The following LINGO2 variants were observed in gnomAD, a reference collection of about 807,000 sequenced individuals.
The protein encoded by LINGO2 is leucine rich repeat and Ig domain containing 2.
In LINGO2, 14 loss-of-function variants were observed where a neutral mutation model predicts 30.6. That is an observed-to-expected ratio of 0.46 (90% CI 0.30 to 0.72). LINGO2 has a LOEUF of 0.72. Among genes scored for constraint, LINGO2 ranks in the 30% least tolerant of loss-of-function variants. LINGO2 has a pLI of 0.07. For missense variants in LINGO2, 729 were observed against 751.7 expected (o/e 0.97, Z 0.35); for synonymous variants, 317 against 288.5 (o/e 1.10, Z -1.00).
chr9:28,047,313 G>A (rs1824469235), intron 4 of LINGO2, among the ~76,000 whole-genome samples: 3 of 152,100 alleles, frequency 2.0e-5, no homozygotes, highest in Non-Finnish European at 4.4e-5. Flanking sequence ...GGTTCTGGCA[G>A]GGAGTTCTCC....
At chr9:28,930,489 T>C in the LINGO2 span, among the ~76,000 whole-genome samples, 63 of 152,294 alleles carry the variant, frequency 4.1e-4, no homozygotes, top group African/African-American at 1.4e-3. This position sits in a 1 kb window ranked among gnomAD's most constrained non-coding sequence, Gnocchi z 4.2. Flanking sequence ...AAAAATGACA[T>C]TGACTATGTG....
At chr9:28,159,710 G>C (rs1258538540) in intron 4 of LINGO2, among the ~76,000 whole-genome samples, 1 of 152,086 alleles carries the variant, frequency 6.6e-6, no homozygotes, top group Non-Finnish European at 1.5e-5. Context: ...GAGATTTCCT[G>C]ACATTATCTG....
intron 3 of LINGO2, among the ~76,000 whole-genome samples, chr9:28,348,427 T>G (rs143483600): frequency 8.7e-4 from 133 of 152,250 alleles, no homozygotes; most frequent in African/African-American, 2.6e-3. Context: ...ACCAGAATAC[T>G]GCGCTTTTCT....
the LINGO2 span, among the ~76,000 whole-genome samples, chr9:28,953,958 T>A: frequency 1.1e-4 from 17 of 152,236 alleles, no homozygotes; most frequent in African/African-American, 4.1e-4. Context: ...TTAGGCATAA[T>A]CAAATTATTA....
the LINGO2 span, among the ~76,000 whole-genome samples, chr9:28,746,338 A>G: frequency 6.6e-6 from 1 of 152,044 alleles, no homozygotes; most frequent in Non-Finnish European, 1.5e-5. Context: ...GACACGCTAT[A>G]TAAAGTTTGA....
chr9:28,778,273 G>C, the LINGO2 span, among the ~76,000 whole-genome samples: 1 of 151,974 alleles, frequency 6.6e-6, no homozygotes, highest in Non-Finnish European at 1.5e-5. Flanking sequence ...TTAAGATTTG[G>C]GTAAGACCTT....
chr9:28,295,125 T>A (rs1329455936), intron 4 of LINGO2, 83 bp downstream of exon 6: 1 of 152,300 alleles, frequency 6.6e-6, no homozygotes, highest in East Asian at 1.9e-4. Flanking sequence ...ATAGAAAAGC[T>A]ATACATTATT....
the LINGO2 span, among the ~76,000 whole-genome samples, chr9:29,099,589 A>G: frequency 6.6e-6 from 1 of 152,342 alleles, no homozygotes; most frequent in East Asian, 1.9e-4. Flanking sequence ...GAATAGATGT[A>G]TCTCGAAAGA....
At chr9:29,038,516 A>C in the LINGO2 span, among the ~76,000 whole-genome samples, 4 of 151,944 alleles carry the variant, frequency 2.6e-5, no homozygotes, top group South Asian at 8.3e-4. Flanking sequence ...CCCCACATGA[A>C]ACCTAACAGA....
chr9:28,940,272 T>G, the LINGO2 span, among the ~76,000 whole-genome samples: 3 of 152,096 alleles, frequency 2.0e-5, no homozygotes, highest in Non-Finnish European at 4.4e-5. Context: ...ATGAGTAAAA[T>G]TATGGTACCC....
the LINGO2 span, among the ~76,000 whole-genome samples, chr9:28,877,095 G>T: frequency 1.4e-5 from 2 of 143,110 alleles, no homozygotes; most frequent in Non-Finnish European, 3.0e-5. Context: ...TTTTGATGGG[G>T]TTGTGTTTTT....
the LINGO2 span, among the ~76,000 whole-genome samples, chr9:28,790,385 G>A: frequency 7.2e-6 from 1 of 138,868 alleles, no homozygotes; most frequent in Non-Finnish European, 1.5e-5. Flanking sequence ...CTGGAGTGCA[G>A]TCGTGCGATC....
the LINGO2 span, among the ~76,000 whole-genome samples, chr9:28,977,189 A>C: frequency 3.9e-5 from 6 of 152,104 alleles, no homozygotes; most frequent in African/African-American, 1.4e-4. Context: ...AGGATAACTC[A>C]CCTAGCAAAA....
intron 4 of LINGO2, among the ~76,000 whole-genome samples, chr9:28,176,959 G>A (rs953192663): frequency 1.3e-5 from 2 of 152,104 alleles, no homozygotes; most frequent in Non-Finnish European, 1.5e-5. Flanking sequence ...TGTCATCTTA[G>A]TTACAAAATT....
the LINGO2 span, among the ~76,000 whole-genome samples, chr9:28,832,422 A>C: frequency 6.6e-6 from 1 of 152,170 alleles, no homozygotes; most frequent in African/African-American, 2.4e-5. Flanking sequence ...TGGGACTAAC[A>C]CCAGTGATTC....
chr9:28,252,439 A>G (rs918464796), intron 4 of LINGO2, among the ~76,000 whole-genome samples: 1 of 151,966 alleles, frequency 6.6e-6, no homozygotes, highest in Non-Finnish European at 1.5e-5. Flanking sequence ...GTTGGCCAGG[A>G]TGGTCTCAAT....
At chr9:28,703,325 C>T in the LINGO2 span, among the ~76,000 whole-genome samples, 3 of 151,454 alleles carry the variant, frequency 2.0e-5, no homozygotes, top group Admixed American at 2.0e-4. Flanking sequence ...ATTTTCATTG[C>T]CATTTATTTC....
At chr9:28,784,961 AG>A in the LINGO2 span, among the ~76,000 whole-genome samples, 2 of 150,176 alleles carry the variant, frequency 1.3e-5, no homozygotes, top group African/African-American at 5.0e-5. Context: ...AAAAAAAAAA[AG>A]AATTGCAAAT....
chr9:29,063,019 A>G, the LINGO2 span, among the ~76,000 whole-genome samples: 1 of 152,244 alleles, frequency 6.6e-6, no homozygotes, highest in Admixed American at 6.5e-5. Context: ...GAAGCTGGCA[A>G]TTCTTTTTAT....
Sources: gnomAD v4.1 joint callset for allele counts (sites outside exome capture counted in the v4.1 genomes callset) on GRCh38, gnomAD v4.1.1 for gene constraint, Gnocchi (gnomAD v3.1) non-coding constraint, MANE v1.5 for transcripts, NCBI Gene and HGNC (gene_info 2026-07-23, HGNC 2026-07-21) for gene names.